Variants in ATRN observed in about 807,000 individuals in gnomAD.
The protein encoded by ATRN is attractin.
A neutral mutation model predicts 178.7 loss-of-function variants in ATRN; 54 were observed. The observed-to-expected ratio is 0.30, with a 90% CI of 0.24 to 0.38. The LOEUF (loss-of-function observed/expected upper bound fraction) is 0.38. ATRN is among the 10% of genes least tolerant of loss of function. The pLI is 1.00. For missense variants in ATRN, 1,443 were observed against 1,815.1 expected, an observed-to-expected ratio of 0.79 and a Z score of 3.73; for synonymous variants, 636 against 663.0, an observed-to-expected ratio of 0.96 and a Z score of 0.63.
At chr20:3,510,013 A>G (rs1488260177) in intron 1 of ATRN, among the ~76,000 whole-genome samples, 1 of 152,176 alleles carries the variant, frequency 6.6e-6, no homozygotes, top group Admixed American at 6.5e-5. Context: ...TTCAAGGGTA[A>G]ACTATATATA....
chr20:3,572,028 G>A (rs1260848287), intron 11 of ATRN, among the ~76,000 whole-genome samples: 1 of 151,920 alleles, frequency 6.6e-6, no homozygotes, highest in Non-Finnish European at 1.5e-5. Context: ...TTTTCCATAT[G>A]TTTAGTTATC....
At chr20:3,509,105 A>G (rs2085086754) in intron 1 of ATRN, among the ~76,000 whole-genome samples, 3 of 152,236 alleles carry the variant, frequency 2.0e-5, no homozygotes, top group South Asian at 4.1e-4. Context: ...GTAGGCAGAT[A>G]GAAAACAAAT....
Position 3,507,058 on chromosome 20 carries a change from T to G in ATRN, c.411-28195T>G, listed in dbSNP as rs182128663. 8.0e-3 allele frequency among the ~76,000 whole-genome samples: 1,215 copies of G among 151,936 alleles called. 20 individuals carry two copies. The highest frequency in any genetic ancestry group is 0.027 in the African/African-American group (1,138 of 41,496). On this transcript the variant is annotated intron_variant, in intron 1 of 28. Transcript: ENST00000262919. ...GGTTTTTGCCGGGAGGTTTTGTTTT[T>G]TTTTTTTTAATGGCAAAAACCACAA...
intron 18 of ATRN, among the ~76,000 whole-genome samples, chr20:3,589,861 G>T (rs1439932824): frequency 6.6e-6 from 1 of 152,232 alleles, no homozygotes; most frequent in African/African-American, 2.4e-5. Context: ...ATGTTCATGG[G>T]TGTGGCAAGT....
At chr20:3,519,364 T>C (rs1427311392) in intron 1 of ATRN, among the ~76,000 whole-genome samples, 3 of 152,162 alleles carry the variant, frequency 2.0e-5, no homozygotes, top group Non-Finnish European at 2.9e-5. Context: ...AAATTAAAAA[T>C]CTAGAACATT....
At chr20:3,614,016 T>G (rs1454129662) in intron 24 of ATRN, among the ~76,000 whole-genome samples, 1 of 152,212 alleles carries the variant, frequency 6.6e-6, no homozygotes, top group Non-Finnish European at 1.5e-5. Flanking sequence ...TTCTTTTCCA[T>G]AATTAGGAAC....
At position 3,473,294 on chromosome 20, in the gene ATRN, A is replaced by G. The variant is rs2084459235; in HGVS notation, c.410+1777A>G. 2.0e-5 allele frequency among the ~76,000 whole-genome samples: 3 copies of G among 152,288 alleles called. No individual in the cohort carries two copies. The South Asian group carries it at 6.2e-4, about 32-fold the overall frequency. On this transcript the variant is annotated intron_variant, in intron 1 of 28. Coordinates refer to ENST00000262919, the MANE Select transcript of ATRN (RefSeq NM_139321.3). ...AGAGGACTTGACTTAGTCTAGGGGT[A>G]AGGTAAGTCACTGAGGAAGCGATGT...
chr20:3,559,285 C>T, intron 6 of ATRN, 108 bp from the exon 7 acceptor site: 2 of 833,008 alleles, frequency 2.4e-6, no homozygotes, highest in African/African-American at 1.7e-5. Flanking sequence ...CCCCTACATC[C>T]ATGGTGGATT....
rs748817073 is a variant in ATRN at position 3,549,284 on chromosome 20, T to C, written c.1058T>C (p.Met353Thr). Residue 353 changes from methionine to threonine, a missense_variant, in exon 6 of 29, where the codon ATG (methionine) becomes ACG (threonine). Physicochemically the swap from Met to Thr is moderately conservative, Grantham distance 81. Coordinates refer to ENST00000262919, the MANE Select transcript of ATRN (RefSeq NM_139321.3). ...AAAGCTGTGGTCAATGGAAACATTA[T>C]GTGGGTTGTTGGAGGATATATGTTC... is the stretch of plus-strand genomic sequence containing the variant. Reference protein sequence around the residue: ...SHKAVVNGNIMWVVGGYMFNH... With the variant: ...SHKAVVNGNITWVVGGYMFNH... 6.2e-7 allele frequency: 1 copy of C among 1,609,648 alleles called. No individual in the cohort carries two copies. Among genetic ancestry groups the C allele is most frequent in the Non-Finnish European group, 8.5e-7 (1 of 1,178,612 alleles).
chr20:3,521,382 A>G (rs996925089), intron 1 of ATRN, among the ~76,000 whole-genome samples: 4 of 152,180 alleles, frequency 2.6e-5, no homozygotes, highest in African/African-American at 7.2e-5. Context: ...CACACAAACA[A>G]GGAATATTAA....
chr20:3,522,408 T>C (rs1353545492), intron 1 of ATRN, among the ~76,000 whole-genome samples: 1 of 152,190 alleles, frequency 6.6e-6, no homozygotes, highest in Non-Finnish European at 1.5e-5. Flanking sequence ...AAAGGCAGCA[T>C]CCCCAGTCAG....
At chr20:3,563,127 G>A in intron 9 of ATRN, 82 bp from the exon 10 acceptor site, 1 of 1,255,384 alleles carries the variant, frequency 8.0e-7, no homozygotes. Context: ...GGTTAATAAA[G>A]TGGTTGTGCT....
At chr20:3,571,190 CTT>C (rs1307934238) in intron 11 of ATRN, among the ~76,000 whole-genome samples, 1 of 152,080 alleles carries the variant, frequency 6.6e-6, no homozygotes, top group Non-Finnish European at 1.5e-5. Flanking sequence ...CTGTTTGAGT[CTT>C]TTGCTATTAT....
chr20:3,609,714 ATGTGTGTGTGTGTGTG>A (rs34028518), intron 24 of ATRN, among the ~76,000 whole-genome samples: 1 of 146,114 alleles, frequency 6.8e-6, no homozygotes, highest in Non-Finnish European at 1.5e-5. Context: ...GTATGTATGT[ATGTGTGTGTGTGTGTG>A]TGTGTGTGTG....
chr20:3,635,720 G>A (rs2146323415), intron 26 of ATRN, among the ~76,000 whole-genome samples: 1 of 152,258 alleles, frequency 6.6e-6, no homozygotes, highest in East Asian at 1.9e-4. Flanking sequence ...ACAGGCTCCA[G>A]GATATGGGCC....
chr20:3,606,397 G>A (rs1404714118), intron 24 of ATRN, among the ~76,000 whole-genome samples: 3 of 151,466 alleles, frequency 2.0e-5, no homozygotes, highest in Non-Finnish European at 4.4e-5. Context: ...CTTAAACACT[G>A]GGCTTGTCTA....
chr20:3,565,433 G>A lies in ATRN; in HGVS notation c.1871+1G>A. 2 of 1,610,738 alleles carry A rather than the reference G, an allele frequency of 1.2e-6. No homozygotes were observed. The highest frequency in any genetic ancestry group is 1.7e-6 in the Non-Finnish European group (2 of 1,176,982). On this transcript the variant is annotated splice_donor_variant, in intron 11 of 28. Coordinates refer to ENST00000262919, the MANE Select transcript of ATRN (RefSeq NM_139321.3). LOFTEE classifies it high-confidence loss of function. Reference sequence around the variant, plus strand: ...GCCATTCAGCAGTCTTACACAACAGGTAATTGGAGAAGTGATTGCTCCTTT... The same window carrying A: ...GCCATTCAGCAGTCTTACACAACAGATAATTGGAGAAGTGATTGCTCCTTT...
rs150084723 is a variant in ATRN at position 3,590,614 on chromosome 20, A to G, written c.3185-555A>G. Among the ~76,000 whole-genome samples the G allele has an allele frequency of 6.0e-4, 91 of 152,366 alleles. 1 individual carries two copies. In the East Asian group the frequency reaches 0.016, roughly 27 times the overall value. ...TCTAATAATGAAAAATGTAAAGCAA[A>G]CTAAATATTAGAATATAAGGGAATG... On this transcript the variant is annotated intron_variant, in intron 18 of 28. Transcript: ENST00000262919.
At chr20:3,534,625 G>A (rs2085498113) in intron 1 of ATRN, among the ~76,000 whole-genome samples, 1 of 152,144 alleles carries the variant, frequency 6.6e-6, no homozygotes, top group African/African-American at 2.4e-5. Context: ...TCTGGAAACA[G>A]CCATGATGAA....
Sources: allele counts gnomAD v4.1 joint callset (sites outside exome capture counted in the v4.1 genomes callset), GRCh38; gene constraint gnomAD v4.1.1; transcripts MANE v1.5; gene names NCBI Gene and HGNC (gene_info 2026-07-23, HGNC 2026-07-21).